PTPRD: variants seen among roughly 807,000 people sequenced by gnomAD.
PTPRD encodes receptor-type tyrosine-protein phosphatase delta.
Under a neutral mutation model 214.5 loss-of-function variants are expected in PTPRD, and 34 were observed. The observed-to-expected ratio is 0.16, with a 90% confidence interval of 0.12 to 0.21. PTPRD has a LOEUF of 0.21. Among genes scored for constraint, PTPRD ranks in the 10% least tolerant of loss-of-function variants. The probability of loss-of-function intolerance (pLI) is 1.00; values close to 1 mark genes in which losing one functional copy is unlikely to be tolerated. For synonymous variants in PTPRD, 1,128 were observed against 845.7 expected (o/e 1.33, Z -5.79); for missense variants, 2,545 against 2,398.7 (o/e 1.06, Z -1.27).
At chr9:8,522,816 C>T (rs1235246394) in intron 19 of PTPRD, among the ~76,000 whole-genome samples, 1 of 152,068 alleles carries the variant, frequency 6.6e-6, no homozygotes, top group South Asian at 2.1e-4. Flanking sequence ...CTTTAGGGAG[C>T]ACACCTTAAA....
At chr9:9,606,158 T>G (rs1253006439) in intron 7 of PTPRD, among the ~76,000 whole-genome samples, 1 of 152,056 alleles carries the variant, frequency 6.6e-6, no homozygotes, top group Non-Finnish European at 1.5e-5. Context: ...CCATAAGCAC[T>G]TTAATAAGAA....
intron 9 of PTPRD, among the ~76,000 whole-genome samples, chr9:9,205,907 G>C (rs147677206): frequency 7.9e-5 from 12 of 152,296 alleles, no homozygotes; most frequent in African/African-American, 2.6e-4. Context: ...ATTTCAGTTT[G>C]TCATTAAGTG....
intron 9 of PTPRD, among the ~76,000 whole-genome samples, chr9:9,230,206 C>T (rs1245232010): frequency 3.3e-5 from 5 of 152,022 alleles, no homozygotes; most frequent in Admixed American, 2.6e-4. Flanking sequence ...TAGATAACTT[C>T]AGAATGGGGC....
rs574953555 is a variant in PTPRD at position 10,023,109 on chromosome 9, CATTG to C, written c.-472+10605_-472+10608del. ...TCAAATGAAAGGAAGATTTTTGACA[CATTG>C]ATTATAAGCAAAACTTATTTAGATT... On this transcript the variant is annotated intron_variant, in intron 4 of 45. Coordinates refer to ENST00000381196, the MANE Select transcript of PTPRD (RefSeq NM_002839.4). Among the ~76,000 whole-genome samples, 221 of 152,254 alleles carry C rather than the reference CATTG, an allele frequency of 1.5e-3. 1 individual carries two copies. The highest frequency in any genetic ancestry group is 4.9e-3 in the African/African-American group (204 of 41,566).
rs558445072 is a variant in PTPRD at position 8,583,674 on chromosome 9, C to G, written c.352+49643G>C. Among the ~76,000 whole-genome samples the G allele has an allele frequency of 1.2e-3, 186 of 152,092 alleles. 1 individual carries two copies. The highest frequency in any genetic ancestry group is 3.9e-3 in the African/African-American group (160 of 41,484). ...AACCTTTCATGGAGATAATATATACCTAAATTACGTTGCTTTTGTCATCTG... is the reference window on the plus strand; with the variant it reads ...AACCTTTCATGGAGATAATATATACGTAAATTACGTTGCTTTTGTCATCTG... On this transcript the variant is annotated intron_variant, in intron 14 of 45. Transcript: ENST00000381196.
chr9:9,233,451 C>A (rs763737895), intron 9 of PTPRD, among the ~76,000 whole-genome samples: 3 of 152,110 alleles, frequency 2.0e-5, no homozygotes, highest in South Asian at 2.1e-4. Context: ...CATTCTGCCC[C>A]GGGCCACTCC....
intron 7 of PTPRD, among the ~76,000 whole-genome samples, chr9:9,615,559 G>T (rs2094810074): frequency 6.6e-6 from 1 of 152,074 alleles, no homozygotes; most frequent in African/African-American, 2.4e-5. Context: ...ACCATAGTTT[G>T]TTTGTTTGTT....
intron 2 of PTPRD, among the ~76,000 whole-genome samples, chr9:10,416,700 T>C (rs1262416624): frequency 6.6e-6 from 1 of 151,830 alleles, no homozygotes; most frequent in Non-Finnish European, 1.5e-5. Context: ...TATCACGGTA[T>C]CTAGTACCGT....
At chr9:9,699,570 C>G (rs58646078) in intron 7 of PTPRD, among the ~76,000 whole-genome samples, 1 of 152,166 alleles carries the variant, frequency 6.6e-6, no homozygotes, top group East Asian at 1.9e-4. Context: ...AGTTTTTACC[C>G]CCCCAATACA....
intron 4 of PTPRD, among the ~76,000 whole-genome samples, chr9:10,005,556 T>A (rs905651499): frequency 6.6e-6 from 1 of 152,072 alleles, no homozygotes; most frequent in Non-Finnish European, 1.5e-5. Flanking sequence ...AGAGTGTGTC[T>A]TTATCTCCTT....
intron 6 of PTPRD, among the ~76,000 whole-genome samples, chr9:9,757,281 T>C (rs1404323197): frequency 2.0e-5 from 3 of 152,198 alleles, no homozygotes; most frequent in Admixed American, 6.5e-5. Context: ...AAATAGTAGC[T>C]CTGCTACATG....
chr9:10,456,960 A>T (rs1056513390), intron 2 of PTPRD, among the ~76,000 whole-genome samples: 14 of 151,980 alleles, frequency 9.2e-5, no homozygotes, highest in African/African-American at 3.4e-4. Context: ...TTGACTTTAT[A>T]TGAAGTACTG....
intron 34 of PTPRD, among the ~76,000 whole-genome samples, chr9:8,443,655 A>G (rs1271503488): frequency 2.0e-5 from 3 of 152,188 alleles, no homozygotes; most frequent in African/African-American, 7.2e-5. Context: ...CATAAACACT[A>G]TAGTTTTGGT....
chr9:9,693,545 C>T (rs1015434619), intron 7 of PTPRD, among the ~76,000 whole-genome samples: 5 of 152,078 alleles, frequency 3.3e-5, no homozygotes, highest in South Asian at 2.1e-4. Flanking sequence ...TGAAAATGGA[C>T]TAATACAAGA....
chr9:8,948,422 TATTTATATATATATTTAC>T (rs2099079598), intron 11 of PTPRD, among the ~76,000 whole-genome samples: 1 of 41,074 alleles, frequency 2.4e-5, no homozygotes, highest in Non-Finnish European at 4.9e-5. Flanking sequence ...TATATATATA[TATTTATATATATATTTAC>T]ATATATATAT....
At chr9:9,411,828 G>T (rs1314770787) in intron 8 of PTPRD, among the ~76,000 whole-genome samples, 2 of 152,196 alleles carry the variant, frequency 1.3e-5, no homozygotes, top group Admixed American at 6.5e-5. Flanking sequence ...GAATAAATGT[G>T]TGTTTTTGAA....
chr9:9,940,148 G>A (rs887714983), intron 4 of PTPRD, among the ~76,000 whole-genome samples: 1 of 152,160 alleles, frequency 6.6e-6, no homozygotes. Flanking sequence ...CAGGGATGAG[G>A]GGAGTGAGCA....
chr9:9,877,524 CA>C (rs1263078001), intron 5 of PTPRD, among the ~76,000 whole-genome samples: 4 of 152,030 alleles, frequency 2.6e-5, no homozygotes, highest in Admixed American at 2.6e-4. Flanking sequence ...CTCCTATGAT[CA>C]AAGTGAGAGT....
chr9:8,443,283 G>C (rs2095609809), intron 34 of PTPRD, among the ~76,000 whole-genome samples: 1 of 152,072 alleles, frequency 6.6e-6, no homozygotes, highest in Non-Finnish European at 1.5e-5. Flanking sequence ...TCTTAACCTA[G>C]GTCATATGCC....
Sources: gnomAD v4.1 joint callset for allele counts (sites outside exome capture counted in the v4.1 genomes callset) on GRCh38, gnomAD v4.1.1 for gene constraint, MANE v1.5 for transcripts, NCBI Gene and HGNC (gene_info 2026-07-23, HGNC 2026-07-21) for gene names.